The following KCNQ4 variants were observed in gnomAD, a reference collection of about 807,000 sequenced individuals.
The protein encoded by KCNQ4 is potassium voltage-gated channel subfamily KQT member 4.
Under a neutral mutation model 72.6 loss-of-function variants are expected in KCNQ4, and 31 were observed. The observed-to-expected ratio is 0.43, with a 90% CI of 0.32 to 0.58. KCNQ4 has a LOEUF of 0.58. Among genes scored for constraint, KCNQ4 ranks in the 20% least tolerant of loss-of-function variants. KCNQ4 has a pLI of 0.08. For missense variants in KCNQ4, 869 were observed against 962.6 expected (o/e 0.90, Z 1.29); for synonymous variants, 405 against 403.7 (o/e 1.00, Z -0.04).
At chr1:40,810,157 C>G (rs1469193275) in intron 1 of KCNQ4, among the ~76,000 whole-genome samples, 1 of 152,194 alleles carries the variant, frequency 6.6e-6, no homozygotes, top group Non-Finnish European at 1.5e-5. Flanking sequence ...CTGGCCCTCT[C>G]TGGTTTTTCC....
chr1:40,833,253 A>T (rs923710164), intron 11 of KCNQ4, 140 bp downstream of exon 11: 4 of 650,532 alleles, frequency 6.1e-6, no homozygotes, highest in Non-Finnish European at 1.1e-5. Flanking sequence ...TACTAAAAAT[A>T]CAAAAAATTA....
intron 1 of KCNQ4, among the ~76,000 whole-genome samples, chr1:40,815,425 G>C (rs1354305628): frequency 1.3e-5 from 2 of 152,166 alleles, no homozygotes; most frequent in Non-Finnish European, 2.9e-5. Flanking sequence ...GGAGAGGGCT[G>C]CATGAGATAA....
intron 1 of KCNQ4, among the ~76,000 whole-genome samples, chr1:40,792,974 G>C (rs1647313877): frequency 6.6e-6 from 1 of 150,606 alleles, no homozygotes; most frequent in African/African-American, 2.4e-5. Flanking sequence ...GGGCCCCTGT[G>C]GGCCCTTCTT....
At chr1:40,793,260 C>G (rs910890456) in intron 1 of KCNQ4, among the ~76,000 whole-genome samples, 1 of 151,926 alleles carries the variant, frequency 6.6e-6, no homozygotes, top group African/African-American at 2.4e-5. Context: ...ACGGTGGCCT[C>G]GGGAGCCACC....
At chr1:40,811,510 A>G (rs1226318219) in intron 1 of KCNQ4, among the ~76,000 whole-genome samples, 1 of 152,152 alleles carries the variant, frequency 6.6e-6, no homozygotes, top group Non-Finnish European at 1.5e-5. Flanking sequence ...AGGTCCCAGA[A>G]ATCAGTATTT....
chr1:40,796,652 C>T (rs1049044666), intron 1 of KCNQ4, among the ~76,000 whole-genome samples: 3 of 152,168 alleles, frequency 2.0e-5, no homozygotes, highest in Admixed American at 6.5e-5. Context: ...CGCTGTGGCT[C>T]ACGCCTGTAA....
At chr1:40,800,955 T>C (rs796131643) in intron 1 of KCNQ4, among the ~76,000 whole-genome samples, 3 of 152,332 alleles carry the variant, frequency 2.0e-5, no homozygotes, top group African/African-American at 7.2e-5. Context: ...GGTGGAAATG[T>C]ACAGGGAGTG....
At position 40,784,397 on chromosome 1, in the gene KCNQ4, C is replaced by G; in HGVS notation, c.304C>G (p.His102Asp). The change falls in exon 1 of 14, where the codon CAC becomes GAC. Residue 102 changes from histidine to aspartate, a missense_variant. Transcript: ENST00000347132. This position sits in a 1 kb window ranked among gnomAD's most constrained non-coding sequence, Gnocchi z 4.1. ...ERPRGWAFVY[H>D]VFIFLLVFSC... ...GCCCCGCGGCTGGGCCTTCGTCTAC[C>G]ACGTCTTCATGTGAGTTTGCGACCC... 1.9e-6 allele frequency: 3 copies of G among 1,609,118 alleles called. No individual in the cohort carries two copies. Among genetic ancestry groups the G allele is most frequent in the South Asian group, 1.1e-5 (1 of 91,078 alleles).
chr1:40,832,278 C>T (rs979542329), intron 10 of KCNQ4, among the ~76,000 whole-genome samples: 1 of 152,196 alleles, frequency 6.6e-6, no homozygotes, highest in Non-Finnish European at 1.5e-5. Flanking sequence ...GGGGACCCAG[C>T]CATGCTGTTT....
rs1558011257 is a variant in KCNQ4 at position 40,817,183 on chromosome 1, G to T, written c.315-82G>T. ...CTGAAAATAATGTTCTCCTCTCTTGGCTCTGTAACCCCCTGCCAGGGGCAC... is the reference window on the plus strand; with the variant it reads ...CTGAAAATAATGTTCTCCTCTCTTGTCTCTGTAACCCCCTGCCAGGGGCAC... On this transcript the variant is annotated intron_variant, in intron 1 of 13. Coordinates refer to ENST00000347132, the MANE Select transcript of KCNQ4 (RefSeq NM_004700.4). The surrounding 1 kb of genome is among the most constrained non-coding windows in gnomAD (Gnocchi z 5.5). The T allele has an allele frequency of 3.8e-6, 4 of 1,044,048 alleles. No individual in the cohort carries two copies. The highest frequency in any genetic ancestry group is 5.9e-6 in the Non-Finnish European group (4 of 673,412). The allele number at this position is 1,044,048 out of a possible 1,614,324, so 64.7% of individuals were successfully genotyped here. A position where few individuals can be genotyped will look rare whatever the true frequency, so the allele number is the denominator to read the frequency against.
chr1:40,819,030 G>C (rs1359114828), intron 4 of KCNQ4: 1 of 554,098 alleles, frequency 1.8e-6, no homozygotes, highest in Admixed American at 3.1e-5. Flanking sequence ...GCTAGGGTGG[G>C]CCCCAGGTGG....
chr1:40,826,737 C>G, intron 9 of KCNQ4: 2 of 442,838 alleles, frequency 4.5e-6, no homozygotes, highest in Non-Finnish European at 9.3e-6. Flanking sequence ...CCTCCTTGCC[C>G]CACCCAATTT....
At chr1:40,807,077 C>A in intron 1 of KCNQ4, among the ~76,000 whole-genome samples, 1 of 152,210 alleles carries the variant, frequency 6.6e-6, no homozygotes, top group Non-Finnish European at 1.5e-5. Flanking sequence ...GAAGGGATGC[C>A]TGTGCTAATG....
chr1:40,819,493 G>C (rs375031015), intron 5 of KCNQ4, 21 bp downstream of exon 5: 2 of 1,613,138 alleles, frequency 1.2e-6, no homozygotes, highest in Non-Finnish European at 8.5e-7. Flanking sequence ...GTCTTTGTAG[G>C]GCTGCCCTTC....
At chr1:40,787,543 A>G (rs752187387) in intron 1 of KCNQ4, among the ~76,000 whole-genome samples, 32 of 152,230 alleles carry the variant, frequency 2.1e-4, no homozygotes, top group Non-Finnish European at 4.0e-4. Context: ...GTACAAGCCC[A>G]GATTTGGCCT....
rs76339724 is a variant in KCNQ4, at chr1:40,835,683, T to A, written c.1745+585T>A. Among the ~76,000 whole-genome samples, 479 of 152,366 alleles carry A rather than the reference T, an allele frequency of 3.1e-3. 1 individual carries two copies. Among genetic ancestry groups the A allele is most frequent in the Non-Finnish European group, 5.1e-3 (347 of 68,044 alleles). On this transcript the variant is annotated intron_variant, in intron 12 of 13. Transcript: ENST00000347132. The stretch of plus-strand genomic sequence containing the variant: ...AAGCGCAGCAGAGTTCCCACACTTA[T>A]GGAGCTTTCATTCTAGTGGAAGGAG...
chr1:40,822,928 G>A (rs1415811417), intron 8 of KCNQ4, among the ~76,000 whole-genome samples: 2 of 152,206 alleles, frequency 1.3e-5, no homozygotes, highest in African/African-American at 4.8e-5. Flanking sequence ...CCCGGGCCAG[G>A]CTAAGACTGC....
rs1302331932 is a variant in KCNQ4 at position 40,831,226 on chromosome 1, G to T, written c.1435G>T (p.Val479Leu). ...QVGEATSPTK[V>L]QKSWSFNDRT... is the part of the protein sequence containing the mutation. ...GGGTGAGGCCACCAGCCCCACCAAG[G>T]TGCAAAAGAGCTGGAGCTTCAATGA... Residue 479 changes from valine (V) to leucine (L), a missense_variant, in exon 10 of 14, where the codon GTG (valine) becomes TTG (leucine). Physicochemically the swap from Val to Leu is conservative, Grantham distance 32. Coordinates refer to ENST00000347132, the MANE Select transcript of KCNQ4 (RefSeq NM_004700.4). 3 of 1,609,588 alleles carry T rather than the reference G, an allele frequency of 1.9e-6. No individual in the cohort carries two copies. Among genetic ancestry groups the T allele is most frequent in the African/African-American group, 2.7e-5 (2 of 74,840 alleles).
rs1456082348 is a variant in KCNQ4, at chr1:40,784,471, C to T, written c.314+64C>T. ...GCAAGCCTGGCCTCCCGGGGCACGG[C>T]CGCCCCGCCCTGGCTCCGCCTTCTA... On this transcript the variant is annotated intron_variant, in intron 1 of 13. Transcript: ENST00000347132. The surrounding 1 kb of genome is among the most constrained non-coding windows in gnomAD (Gnocchi z 4.1). 6.7e-6 allele frequency: 10 copies of T among 1,501,018 alleles called. No homozygotes were observed. The highest frequency in any genetic ancestry group is 9.2e-6 in the Non-Finnish European group (10 of 1,091,932). The allele number at this position is 1,501,018 out of a possible 1,614,324, so 93.0% of individuals were successfully genotyped here.
Sources: allele counts gnomAD v4.1 joint callset (sites outside exome capture counted in the v4.1 genomes callset), GRCh38; gene constraint gnomAD v4.1.1; non-coding constraint Gnocchi (gnomAD v3.1); transcripts MANE v1.5; gene names NCBI Gene and HGNC (gene_info 2026-07-23, HGNC 2026-07-21).